Variants in FYN observed in about 807,000 individuals in gnomAD.
FYN encodes FYN proto-oncogene, Src family tyrosine kinase.
A neutral mutation model predicts 70.2 loss-of-function variants in FYN; 10 were observed. That is an observed-to-expected ratio of 0.14 (90% CI 0.09 to 0.24). The LOEUF (loss-of-function observed/expected upper bound fraction) is 0.24. FYN is among the 10% of genes least tolerant of loss of function. The pLI is 1.00. For missense variants in FYN, 319 were observed against 673.1 expected (o/e 0.47, Z 5.82); for synonymous variants, 236 against 248.6 (o/e 0.95, Z 0.48).
At chr6:111,737,150 C>A (rs1428932252) in intron 3 of FYN, among the ~76,000 whole-genome samples, 1 of 152,226 alleles carries the variant, frequency 6.6e-6, no homozygotes, top group Non-Finnish European at 1.5e-5. Flanking sequence ...TTACAACATG[C>A]TTCTGACACC....
At chr6:111,798,893 AG>A (rs1243472632) in intron 2 of FYN, among the ~76,000 whole-genome samples, 1 of 152,242 alleles carries the variant, frequency 6.6e-6, no homozygotes, top group African/African-American at 2.4e-5. Context: ...GGAAACATAA[AG>A]GGTCAGAAAT....
chr6:111,789,484 C>T (rs917176192), intron 2 of FYN, among the ~76,000 whole-genome samples: 4 of 152,032 alleles, frequency 2.6e-5, no homozygotes, highest in South Asian at 2.1e-4. Context: ...TATATTTCAA[C>T]GTTAAGGCCA....
intron 3 of FYN, among the ~76,000 whole-genome samples, chr6:111,749,451 G>A (rs892115126): frequency 6.6e-6 from 1 of 152,106 alleles, no homozygotes; most frequent in Non-Finnish European, 1.5e-5. Context: ...TGCACCAGCC[G>A]AATACTTCTA....
intron 12 of FYN, among the ~76,000 whole-genome samples, chr6:111,693,172 T>C (rs1799418265): frequency 6.6e-6 from 1 of 151,918 alleles, no homozygotes; most frequent in East Asian, 1.9e-4. Context: ...TCAGATCAAA[T>C]GAAGGGAGAG....
At chr6:111,713,666 T>C (rs55903221) in intron 5 of FYN, among the ~76,000 whole-genome samples, 6,400 of 152,272 alleles carry the variant, frequency 0.042, 235 homozygotes, top group South Asian at 0.17. Context: ...TTTACTCTTC[T>C]TATGGAGGTA....
At chr6:111,668,057 A>G (rs1380191759) in intron 13 of FYN, among the ~76,000 whole-genome samples, 4 of 152,266 alleles carry the variant, frequency 2.6e-5, no homozygotes, top group African/African-American at 9.6e-5. Context: ...GCTTCTGTGC[A>G]TAAAAGGCCC....
intron 3 of FYN, among the ~76,000 whole-genome samples, chr6:111,746,504 G>A (rs184865561): frequency 6.6e-6 from 1 of 152,264 alleles, no homozygotes; most frequent in African/African-American, 2.4e-5. Flanking sequence ...GTAGTTTATT[G>A]CTGCTGAGTG....
chr6:111,675,838 TA>T (rs1479495885), intron 12 of FYN, among the ~76,000 whole-genome samples: 56 of 148,068 alleles, frequency 3.8e-4, no homozygotes, highest in African/African-American at 1.4e-3. Flanking sequence ...AATAAATAAA[TA>T]AAATAAAATA....
At chr6:111,869,117 T>C (rs1326524806) in intron 1 of FYN, among the ~76,000 whole-genome samples, 1 of 152,202 alleles carries the variant, frequency 6.6e-6, no homozygotes, top group African/African-American at 2.4e-5. Flanking sequence ...ATGGAATTGC[T>C]CCAACAATTT....
chr6:111,670,271 C>T (rs1254259673), intron 13 of FYN, among the ~76,000 whole-genome samples: 1 of 152,182 alleles, frequency 6.6e-6, no homozygotes, highest in East Asian at 1.9e-4. Flanking sequence ...TCTGGAGGGT[C>T]TCTGCACTCT....
chr6:111,872,109 T>C (rs1420579485), intron 1 of FYN, among the ~76,000 whole-genome samples: 1 of 152,046 alleles, frequency 6.6e-6, no homozygotes, highest in Admixed American at 6.5e-5. Context: ...GTGTGATTTA[T>C]TGGGGGAAGG....
At chr6:111,867,608 G>C (rs767794406) in intron 1 of FYN, among the ~76,000 whole-genome samples, 31 of 151,780 alleles carry the variant, frequency 2.0e-4, no homozygotes, top group Non-Finnish European at 3.2e-4. Context: ...TTCCTTATTG[G>C]ACTGCTTGTC....
intron 12 of FYN, among the ~76,000 whole-genome samples, chr6:111,683,405 T>C (rs1384355560): frequency 6.6e-6 from 1 of 152,182 alleles, no homozygotes; most frequent in East Asian, 1.9e-4. Flanking sequence ...AGTCTCTCTC[T>C]TTTTTATTTT....
chr6:111,763,644 A>C lies in FYN; in HGVS notation c.-12+16922T>G, dbSNP rs1803094447. On this transcript the variant is annotated intron_variant, in intron 3 of 13. Transcript: ENST00000354650. ...ATATACTTACCACCCAGCTTTAAAC[A>C]TTAATATTATAACATACGTGCTTTA... Among the ~76,000 whole-genome samples the C allele has an allele frequency of 2.0e-5, 3 of 152,358 alleles. No individual in the cohort carries two copies. The South Asian group carries it at 6.2e-4, about 32-fold the overall frequency.
chr6:111,739,686 T>C (rs1801868391), intron 3 of FYN, among the ~76,000 whole-genome samples: 1 of 152,230 alleles, frequency 6.6e-6, no homozygotes, highest in African/African-American at 2.4e-5. Context: ...GTGTCAGAAG[T>C]GTACAAAGCC....
At chr6:111,785,646 A>C (rs1468488980) in intron 2 of FYN, among the ~76,000 whole-genome samples, 1 of 152,084 alleles carries the variant, frequency 6.6e-6, no homozygotes, top group East Asian at 1.9e-4. Context: ...GGTGGCAAAG[A>C]CAGGAATTTT....
intron 12 of FYN, among the ~76,000 whole-genome samples, chr6:111,687,756 G>A (rs1799085544): frequency 6.6e-6 from 1 of 152,096 alleles, no homozygotes; most frequent in African/African-American, 2.4e-5. Context: ...TTGGCTTTGT[G>A]CCAACTGCTT....
At chr6:111,833,624 A>T (rs1441678673) in intron 2 of FYN, among the ~76,000 whole-genome samples, 3 of 152,004 alleles carry the variant, frequency 2.0e-5, no homozygotes, top group Non-Finnish European at 2.9e-5. Flanking sequence ...TGCTTTCCAT[A>T]ATGGCTGTTT....
At chr6:111,748,387 C>T (rs772540068) in intron 3 of FYN, among the ~76,000 whole-genome samples, 14 of 152,204 alleles carry the variant, frequency 9.2e-5, no homozygotes, top group East Asian at 1.9e-4. Flanking sequence ...CACAGAATGA[C>T]GCTATCTTAG....
Sources: allele counts gnomAD v4.1 joint callset (sites outside exome capture counted in the v4.1 genomes callset), GRCh38; gene constraint gnomAD v4.1.1; transcripts MANE v1.5; gene names NCBI Gene and HGNC (gene_info 2026-07-23, HGNC 2026-07-21).